PIAS4: variants seen among roughly 807,000 people sequenced by gnomAD.
PIAS4 encodes E3 SUMO-protein ligase PIAS4.
PIAS4 carries 7 observed loss-of-function variants against 58.0 expected under a neutral mutation model. The ratio of observed to expected loss-of-function variants is 0.12; its 90% CI spans 0.07 to 0.23. PIAS4 has a LOEUF of 0.23. Among genes scored for constraint, PIAS4 ranks in the 10% least tolerant of loss-of-function variants. The probability of loss-of-function intolerance (pLI) is 1.00; values close to 1 mark genes in which losing one functional copy is unlikely to be tolerated. For missense variants in PIAS4, 550 were observed against 709.5 expected (o/e 0.78, Z 2.55); for synonymous variants, 364 against 312.4 (o/e 1.17, Z -1.74).
chr19:4,030,896 C>T (rs986799730), intron 7 of PIAS4, among the ~76,000 whole-genome samples: 1 of 152,010 alleles, frequency 6.6e-6, no homozygotes, highest in African/African-American at 2.4e-5. Flanking sequence ...AACCTGGAGT[C>T]ATTTGGAGCT....
At chr19:4,010,325 G>A (rs2039980659) in intron 1 of PIAS4, among the ~76,000 whole-genome samples, 2 of 152,230 alleles carry the variant, frequency 1.3e-5, no homozygotes, top group Admixed American at 1.3e-4. Context: ...TGTCCAGCCT[G>A]GGTGGGGCAG....
intron 5 of PIAS4, 51 bp downstream of exon 5, chr19:4,028,651 G>A (rs1232714525): frequency 2.5e-6 from 4 of 1,606,134 alleles, no homozygotes; most frequent in Non-Finnish European, 3.4e-6. Context: ...GGGGCGTGGA[G>A]GGAGGGTGGG....
intron 1 of PIAS4, among the ~76,000 whole-genome samples, chr19:4,009,322 A>G (rs749158051): frequency 6.6e-6 from 1 of 151,970 alleles, no homozygotes; most frequent in South Asian, 2.1e-4. Flanking sequence ...TCCTCTCTAG[A>G]GTTTTGAAAA....
At chr19:4,017,204 A>AG (rs2040060965) in intron 2 of PIAS4, among the ~76,000 whole-genome samples, 1 of 152,048 alleles carries the variant, frequency 6.6e-6, no homozygotes, top group Non-Finnish European at 1.5e-5. Context: ...CTTGGCCTTC[A>AG]GGTTGAAGAG....
At position 4,037,546 on chromosome 19, in the gene PIAS4, G is replaced by GCCGCCTCAGTTTCCCCATTT; in HGVS notation, c.1273+43_1274-50dup. The GCCGCCTCAGTTTCCCCATTT allele has an allele frequency of 6.2e-7, 1 of 1,607,554 alleles. No homozygotes were observed. The highest frequency in any genetic ancestry group is 8.5e-7 in the Non-Finnish European group (1 of 1,179,708). On this transcript the variant is annotated intron_variant, in intron 10 of 10. Transcript: ENST00000262971. The surrounding 1 kb of genome is among the most constrained non-coding windows in gnomAD (Gnocchi z 5.8). ...ACCAGCCGCGCAGTCCGCAGCCAGG[G>GCCGCCTCAGTTTCCCCATTT]CCGCCTCAGTTTCCCCATTTATCAG... is the stretch of plus-strand genomic sequence containing the variant.
chr19:4,035,837 C>T (rs2040270920), intron 9 of PIAS4, among the ~76,000 whole-genome samples: 1 of 150,908 alleles, frequency 6.6e-6, no homozygotes, highest in Non-Finnish European at 1.5e-5. Context: ...CCATCACACA[C>T]ACACCCGCAC....
chr19:4,028,409 C>T (rs1417400274), intron 4 of PIAS4, 101 bp from the exon 5 acceptor site: 8 of 906,554 alleles, frequency 8.8e-6, no homozygotes, highest in South Asian at 6.2e-5. Flanking sequence ...TTCTCCGGTG[C>T]CCCCATCACT....
rs1229390434 is a variant in PIAS4, at chr19:4,013,636, G to A, written c.454+287G>A. On this transcript the variant is annotated intron_variant, in intron 2 of 10. Transcript: ENST00000262971. The surrounding 1 kb of genome is among the most constrained non-coding windows in gnomAD (Gnocchi z 5.1). ...TGTGTTGCGGGGCATTGGGGCTTGG[G>A]GGCTCTCATGAGGCTCAGTCAGGCT... is the stretch of plus-strand genomic sequence containing the variant. Among the ~76,000 whole-genome samples, 1 of 149,230 alleles carries A rather than the reference G, an allele frequency of 6.7e-6. No individual in the cohort carries two copies. Among genetic ancestry groups the A allele is most frequent in the Non-Finnish European group, 1.5e-5 (1 of 66,548 alleles).
intron 7 of PIAS4, among the ~76,000 whole-genome samples, chr19:4,032,461 C>T (rs1314368977): frequency 6.6e-6 from 1 of 152,230 alleles, no homozygotes; most frequent in African/African-American, 2.4e-5. Context: ...AGGGTCCCTG[C>T]GTGAGTTTCC....
At chr19:4,027,176 C>A (rs894339695) in intron 3 of PIAS4, among the ~76,000 whole-genome samples, 1 of 152,080 alleles carries the variant, frequency 6.6e-6, no homozygotes, top group African/African-American at 2.4e-5. Flanking sequence ...TTAGTAGAGA[C>A]GAGGTTTCAC....
At chr19:4,030,482 G>A (rs576488641) in intron 7 of PIAS4, among the ~76,000 whole-genome samples, 17 of 152,116 alleles carry the variant, frequency 1.1e-4, no homozygotes, top group Non-Finnish European at 1.8e-4. Flanking sequence ...AGCCAGGCGT[G>A]GTGGCAGGCA....
At chr19:4,029,291 T>C (rs7246101) in intron 7 of PIAS4, among the ~76,000 whole-genome samples, 140,515 of 152,024 alleles carry the variant, frequency 0.92, 64,989 homozygotes, top group East Asian at 0.96. Context: ...CCCCAGGTGC[T>C]CCAGCCCACA....
chr19:4,012,760 A>T (rs1222382725), intron 1 of PIAS4, among the ~76,000 whole-genome samples, 163 bp from the exon 2 acceptor site: 1 of 146,604 alleles, frequency 6.8e-6, no homozygotes, highest in East Asian at 2.0e-4. Flanking sequence ...CTTTGCTGGG[A>T]GGGGGCACCG....
intron 4 of PIAS4, 32 bp downstream of exon 4, chr19:4,028,219 T>C: frequency 6.3e-7 from 1 of 1,598,540 alleles, no homozygotes; most frequent in Non-Finnish European, 8.5e-7. Context: ...ACCCCAGGGC[T>C]GGACCCCCAG....
intron 1 of PIAS4, among the ~76,000 whole-genome samples, chr19:4,010,183 T>C (rs1568211031): frequency 6.6e-6 from 1 of 152,304 alleles, no homozygotes; most frequent in African/African-American, 2.4e-5. Context: ...TCTTCCTGAA[T>C]GCTTGTCCCC....
chr19:4,023,027 C>T lies in PIAS4; in HGVS notation c.455-1009C>T, dbSNP rs531174858. Among the ~76,000 whole-genome samples, 20 of 151,388 alleles carry T rather than the reference C, an allele frequency of 1.3e-4. 1 individual carries two copies. Among genetic ancestry groups the T allele is most frequent in the Non-Finnish European group, 2.1e-4 (14 of 67,838 alleles). On this transcript the variant is annotated intron_variant, in intron 2 of 10. Transcript: ENST00000262971. ...CCTCTACTAAAAATAGAAAATTAGCCGGGCGTGGTGGCTCATGCCTGTAAT... is the reference window on the plus strand; with the variant it reads ...CCTCTACTAAAAATAGAAAATTAGCTGGGCGTGGTGGCTCATGCCTGTAAT...
chr19:4,012,089 G>A (rs754981187), intron 1 of PIAS4, among the ~76,000 whole-genome samples: 4 of 150,730 alleles, frequency 2.7e-5, no homozygotes, highest in African/African-American at 4.9e-5. Flanking sequence ...TTTGGTTGTC[G>A]TGAGCTGTGG....
intron 3 of PIAS4, among the ~76,000 whole-genome samples, chr19:4,026,478 T>G (rs1283823944): frequency 1.3e-5 from 2 of 151,928 alleles, no homozygotes; most frequent in East Asian, 3.9e-4. Context: ...TACCATAGAA[T>G]ATACAGTTTT....
chr19:4,008,801 G>A (rs1002757445), intron 1 of PIAS4, among the ~76,000 whole-genome samples: 1 of 151,160 alleles, frequency 6.6e-6, no homozygotes, highest in Non-Finnish European at 1.5e-5. Flanking sequence ...ACAGCCCCCA[G>A]AACTTTTATG....
Sources: gnomAD v4.1 joint callset for allele counts (sites outside exome capture counted in the v4.1 genomes callset) on GRCh38, gnomAD v4.1.1 for gene constraint, Gnocchi (gnomAD v3.1) non-coding constraint, MANE v1.5 for transcripts, NCBI Gene and HGNC (gene_info 2026-07-23, HGNC 2026-07-21) for gene names.